NANS: variants seen among roughly 807,000 people sequenced by gnomAD.
NANS encodes the protein N-acetylneuraminate-9-phosphate synthase.
In NANS, 29 loss-of-function variants were observed where a neutral mutation model predicts 33.3. That is an observed-to-expected ratio of 0.87 (90% confidence interval 0.65 to 1.19). The LOEUF (loss-of-function observed/expected upper bound fraction) is 1.19, where lower values mean the gene tolerates loss of function less well. NANS is among the 50% of genes most tolerant of loss of function. The pLI, the probability that NANS is intolerant of heterozygous loss-of-function variation, is 0.00. For missense variants in NANS, 394 were observed against 461.1 expected, an observed-to-expected ratio of 0.85 and a Z score of 1.33; for synonymous variants, 163 against 177.2, an observed-to-expected ratio of 0.92 and a Z score of 0.64.
intron 2 of NANS, among the ~76,000 whole-genome samples, chr9:98,065,042 C>CT (rs1218816108): frequency 2.6e-5 from 4 of 152,166 alleles, no homozygotes; most frequent in Non-Finnish European, 4.4e-5. Flanking sequence ...AGTTTCAAAT[C>CT]TGAGACCTGG....
chr9:98,076,947 T>A lies in NANS; in HGVS notation c.378T>A (p.Asn126Lys), dbSNP rs1829619275. 6.2e-7 allele frequency: 1 copy of A among 1,612,564 alleles called. No individual in the cohort carries two copies. The highest frequency in any genetic ancestry group is 1.3e-5 in the African/African-American group (1 of 74,988). Residue 126 changes from asparagine (N) to lysine (K), a missense_variant, in exon 3 of 6, where the codon AAT (asparagine) becomes AAA (lysine). Coordinates refer to ENST00000210444, the MANE Select transcript of NANS (RefSeq NM_018946.4). ...CAGTTGAATTCCTGCATGAACTGAA[T>A]GTTCCATTTTTCAAAGTTGGATCTG... is the stretch of plus-strand genomic sequence containing the variant. ...EMAVEFLHEL[N>K]VPFFKVGSGD...
intron 2 of NANS, among the ~76,000 whole-genome samples, chr9:98,061,510 G>A (rs543632385): frequency 1.4e-5 from 2 of 147,408 alleles, no homozygotes; most frequent in Non-Finnish European, 3.0e-5. Flanking sequence ...GGCCAGGCGC[G>A]GTGTCTCACA....
intron 1 of NANS, 86 bp from the exon 2 acceptor site, chr9:98,060,696 T>A: frequency 8.6e-7 from 1 of 1,158,250 alleles, no homozygotes; most frequent in Non-Finnish European, 1.3e-6. Context: ...ATAAAGATGG[T>A]GATGTCATAG....
At chr9:98,073,263 A>G (rs1406712335) in intron 2 of NANS, among the ~76,000 whole-genome samples, 1 of 94,728 alleles carries the variant, frequency 1.1e-5, no homozygotes, top group African/African-American at 4.1e-5. Flanking sequence ...CCAGCTCATC[A>G]CCATGGGCTT....
rs776913812 is a variant in NANS, at chr9:98,060,937, G to A, written c.288G>A (p.Arg96=). 1 of 1,614,204 alleles carries A rather than the reference G, an allele frequency of 6.2e-7. No individual in the cohort carries two copies. Among genetic ancestry groups the A allele is most frequent in the Non-Finnish European group, 8.5e-7 (1 of 1,180,044 alleles). Residue 96 remains arginine (R), a synonymous_variant, in exon 2 of 6, where the codon AGG becomes AGA. Transcript: ENST00000210444. ...TGGAGTTCAGCCATGACCAGTACAGGGAGCTGCAGAGGTACGCCGAGGAGG... is the reference window on the plus strand; with the variant it reads ...TGGAGTTCAGCCATGACCAGTACAGAGAGCTGCAGAGGTACGCCGAGGAGG... The part of the protein sequence containing the change: ...RHLEFSHDQY[R]ELQRYAEEVG...
rs1829956880 is a variant in NANS at position 98,083,006 on chromosome 9, C to CCAT, written c.1035_1037dup (p.Ile345dup). 1 of 1,613,980 alleles carries CCAT rather than the reference C, an allele frequency of 6.2e-7. No homozygotes were observed. The highest frequency in any genetic ancestry group is 1.3e-5 in the African/African-American group (1 of 74,900). Reference sequence around the variant, plus strand: ...CTGGTCACTGTTGAAGAGGATGACACCATCATGGAAGAATTGGTAGATAAT... The same window carrying CCAT: ...CTGGTCACTGTTGAAGAGGATGACACCATCATCATGGAAGAATTGGTAGATAAT... On this transcript the variant is annotated inframe_insertion, in exon 6 of 6. Coordinates refer to ENST00000210444, the MANE Select transcript of NANS (RefSeq NM_018946.4).
chr9:98,061,508 G>A (rs574535276), intron 2 of NANS, among the ~76,000 whole-genome samples: 43 of 146,322 alleles, frequency 2.9e-4, no homozygotes, highest in African/African-American at 9.4e-4. Flanking sequence ...AAGGCCAGGC[G>A]CGGTGTCTCA....
chr9:98,059,274 C>T (rs947127632), intron 1 of NANS, among the ~76,000 whole-genome samples: 18 of 152,160 alleles, frequency 1.2e-4, no homozygotes, highest in Admixed American at 9.2e-4. Context: ...CTGCCCACCT[C>T]GGCCTCCCAG....
At chr9:98,074,319 G>A (rs1217086225) in intron 2 of NANS, among the ~76,000 whole-genome samples, 1 of 152,168 alleles carries the variant, frequency 6.6e-6, no homozygotes, top group Non-Finnish European at 1.5e-5. Flanking sequence ...TGGGGCAGGA[G>A]GGAGAGAGGA....
rs1224441129 is a variant in NANS at position 98,065,252 on chromosome 9, T to C, written c.348+4255T>C. On this transcript the variant is annotated intron_variant, in intron 2 of 5. Transcript: ENST00000210444. Reference sequence around the variant, plus strand: ...ATTGTTTTTCAACAGAGAATTACAATGTTTAGCTTCTGGTGAAATAATATT... The same window carrying C: ...ATTGTTTTTCAACAGAGAATTACAACGTTTAGCTTCTGGTGAAATAATATT... Among the ~76,000 whole-genome samples, 4 of 151,938 alleles carry C rather than the reference T, an allele frequency of 2.6e-5. No individual in the cohort carries two copies. The East Asian group carries it at 7.7e-4, about 29-fold the overall frequency.
chr9:98,063,928 G>T (rs1829059556), intron 2 of NANS, among the ~76,000 whole-genome samples: 1 of 152,182 alleles, frequency 6.6e-6, no homozygotes, highest in African/African-American at 2.4e-5. Context: ...CTTAGAAATA[G>T]ATTTTTAGGT....
intron 3 of NANS, chr9:98,077,971 G>A (rs951679916): frequency 1.7e-6 from 1 of 578,246 alleles, no homozygotes; most frequent in East Asian, 2.9e-5. Context: ...AGTTCCTTTT[G>A]CTCAAGAACA....
intron 2 of NANS, among the ~76,000 whole-genome samples, chr9:98,066,472 C>T (rs1829150734): frequency 6.6e-6 from 1 of 152,144 alleles, no homozygotes; most frequent in South Asian, 2.1e-4. Flanking sequence ...TTTATTGACA[C>T]ACCATCCAAT....
chr9:98,058,215 C>G (rs1176860049), intron 1 of NANS, among the ~76,000 whole-genome samples: 1 of 152,132 alleles, frequency 6.6e-6, no homozygotes, highest in Non-Finnish European at 1.5e-5. Flanking sequence ...CCACCCTCGG[C>G]CCTTGCTGTT....
chr9:98,078,033 C>A (rs1829668406), intron 3 of NANS, 160 bp from the exon 4 acceptor site: 2 of 1,054,770 alleles, frequency 1.9e-6, no homozygotes, highest in South Asian at 1.8e-5. Flanking sequence ...GGGCAGGAAC[C>A]CAACAAGCTC....
At chr9:98,070,807 AT>A (rs11464981) in intron 2 of NANS, among the ~76,000 whole-genome samples, 526 of 144,484 alleles carry the variant, frequency 3.6e-3, no homozygotes, top group African/African-American at 4.3e-3. Flanking sequence ...CTCTTTAGTA[AT>A]TTTTTTTTTT....
chr9:98,072,193 T>C (rs1324057364), intron 2 of NANS, among the ~76,000 whole-genome samples: 4 of 152,120 alleles, frequency 2.6e-5, no homozygotes, highest in Non-Finnish European at 5.9e-5. Context: ...GTTAAGATGC[T>C]CCTGGGGCTA....
intron 1 of NANS, among the ~76,000 whole-genome samples, chr9:98,058,604 A>AT (rs1392275535): frequency 6.6e-6 from 1 of 152,222 alleles, no homozygotes; most frequent in Non-Finnish European, 1.5e-5. Flanking sequence ...AGTTGTAGAA[A>AT]TATCTAGAGA....
Position 98,061,728 on chromosome 9 carries a change from C to T in NANS, c.348+731C>T, listed in dbSNP as rs548384414. Among the ~76,000 whole-genome samples the T allele has an allele frequency of 8.1e-4, 122 of 150,380 alleles. 1 individual carries two copies. Among genetic ancestry groups the T allele is most frequent in the African/African-American group, 2.8e-3 (113 of 40,842 alleles). On this transcript the variant is annotated intron_variant, in intron 2 of 5. Coordinates refer to ENST00000210444, the MANE Select transcript of NANS (RefSeq NM_018946.4). Reference sequence around the variant, plus strand: ...CTGGGAGGTGGAGGTTGCAGTAAGCCGAGATCGCGCCACTGCACTCCAGCC... The same window carrying T: ...CTGGGAGGTGGAGGTTGCAGTAAGCTGAGATCGCGCCACTGCACTCCAGCC...
Sources: allele counts gnomAD v4.1 joint callset (sites outside exome capture counted in the v4.1 genomes callset), GRCh38; gene constraint gnomAD v4.1.1; transcripts MANE v1.5; gene names NCBI Gene and HGNC (gene_info 2026-07-23, HGNC 2026-07-21).